The following LRIF1 variants were observed in gnomAD, a reference collection of about 807,000 sequenced individuals.
LRIF1 encodes the protein ligand-dependent nuclear receptor-interacting factor 1.
LRIF1 carries 32 observed loss-of-function variants against 52.7 expected under a neutral mutation model. That is an observed-to-expected ratio of 0.61 (90% CI 0.46 to 0.82). LRIF1 has a LOEUF of 0.82. Among genes scored for constraint, LRIF1 ranks in the 40% least tolerant of loss-of-function variants. The pLI, the probability that LRIF1 is intolerant of heterozygous loss-of-function variation, is 0.00. For missense variants in LRIF1, 887 were observed against 892.0 expected, an observed-to-expected ratio of 0.99 and a Z score of 0.07; for synonymous variants, 323 against 317.4, an observed-to-expected ratio of 1.02 and a Z score of -0.19.
At chr1:110,882,599 T>C in the LRIF1 span, among the ~76,000 whole-genome samples, 1 of 152,042 alleles carries the variant, frequency 6.6e-6, no homozygotes, top group Non-Finnish European at 1.5e-5. Context: ...TCTTGAAGCC[T>C]ACAAAAAATT....
the LRIF1 span, among the ~76,000 whole-genome samples, chr1:110,929,311 T>C: frequency 6.6e-6 from 1 of 152,224 alleles, no homozygotes; most frequent in Non-Finnish European, 1.5e-5. Context: ...AAATGGTAAT[T>C]CGATTTTGGC....
the LRIF1 span, among the ~76,000 whole-genome samples, chr1:110,922,224 T>C: frequency 1.3e-5 from 2 of 152,186 alleles, no homozygotes; most frequent in Non-Finnish European, 2.9e-5. Context: ...CTTTAAGAGA[T>C]GATTAGGATT....
chr1:110,917,648 GTTT>G, the LRIF1 span, among the ~76,000 whole-genome samples: 2 of 32,210 alleles, frequency 6.2e-5, no homozygotes, highest in African/African-American at 3.9e-4. Flanking sequence ...TTTTGTTTTT[GTTT>G]TTTTTTTTTG....
At chr1:110,892,274 G>C in the LRIF1 span, 1 of 1,035,294 alleles carries the variant, frequency 9.7e-7, no homozygotes, top group Non-Finnish European at 1.5e-6. Context: ...TGATCTCAAG[G>C]AAGTGAGAAT....
At chr1:110,882,873 C>G in the LRIF1 span, among the ~76,000 whole-genome samples, 1 of 152,008 alleles carries the variant, frequency 6.6e-6, no homozygotes, top group Non-Finnish European at 1.5e-5. Flanking sequence ...GTTACTAGTG[C>G]ATAGAATGCT....
rs546090935 is a variant in LRIF1 at position 110,949,505 on chromosome 1, C to T, written c.1869+346G>A. Among the ~76,000 whole-genome samples, 60 of 151,180 alleles carry T rather than the reference C, an allele frequency of 4.0e-4. 1 individual carries two copies. In the South Asian group the frequency reaches 0.012, roughly 30 times the overall value. On this transcript the variant is annotated intron_variant, in intron 3 of 3. Transcript: ENST00000369763. ...TGCGATCTCGGTTCACTACAAACTC[C>T]GCCTCCCGGGTTCAAGTGATTCTCC...
chr1:110,962,170 A>C (rs1658986346), intron 1 of LRIF1, among the ~76,000 whole-genome samples: 1 of 152,052 alleles, frequency 6.6e-6, no homozygotes, highest in Non-Finnish European at 1.5e-5. Flanking sequence ...AATTAAGCTA[A>C]GTCAGAAGTC....
the LRIF1 span, chr1:110,941,002 G>A: frequency 6.6e-6 from 1 of 151,974 alleles, no homozygotes; most frequent in Admixed American, 6.5e-5. Context: ...GTAACACAAA[G>A]GATAAATGTT....
At chr1:110,949,658 G>A (rs1658376788) in intron 3 of LRIF1, among the ~76,000 whole-genome samples, 193 bp downstream of exon 3, 1 of 152,090 alleles carries the variant, frequency 6.6e-6, no homozygotes, top group South Asian at 2.1e-4. Flanking sequence ...GACCTCAGGT[G>A]ATCCACCCGC....
At chr1:110,888,369 C>T in the LRIF1 span, among the ~76,000 whole-genome samples, 5 of 152,216 alleles carry the variant, frequency 3.3e-5, no homozygotes, top group African/African-American at 9.7e-5. Flanking sequence ...TCCTCAAAAT[C>T]TCAGCTCTGC....
At chr1:110,888,936 T>C in the LRIF1 span, among the ~76,000 whole-genome samples, 2 of 152,210 alleles carry the variant, frequency 1.3e-5, no homozygotes, top group Non-Finnish European at 2.9e-5. Context: ...CATGAAATAT[T>C]CTTTGATCAA....
the LRIF1 span, among the ~76,000 whole-genome samples, chr1:110,923,676 A>G: frequency 1.3e-5 from 2 of 152,182 alleles, no homozygotes; most frequent in African/African-American, 4.8e-5. Flanking sequence ...CAGAGAAAAT[A>G]CCATTGAGAG....
At chr1:110,955,693 T>C (rs935584239) in intron 1 of LRIF1, among the ~76,000 whole-genome samples, 2 of 152,182 alleles carry the variant, frequency 1.3e-5, no homozygotes, top group Admixed American at 6.5e-5. Context: ...GGAGTGGGTA[T>C]GAAGCAAGTA....
the LRIF1 span, among the ~76,000 whole-genome samples, chr1:110,894,032 T>A: frequency 1.3e-5 from 2 of 152,204 alleles, no homozygotes; most frequent in Non-Finnish European, 2.9e-5. Context: ...TAGGCAGATG[T>A]CAAAATTGCT....
intron 1 of LRIF1, among the ~76,000 whole-genome samples, chr1:110,960,245 A>G (rs1423744273): frequency 6.6e-6 from 1 of 152,196 alleles, no homozygotes; most frequent in Non-Finnish European, 1.5e-5. Context: ...CCATTATAAC[A>G]GGGTCCAAAA....
the LRIF1 span, among the ~76,000 whole-genome samples, chr1:110,933,885 C>T: frequency 6.6e-6 from 1 of 152,160 alleles, no homozygotes; most frequent in Non-Finnish European, 1.5e-5. Flanking sequence ...GACATAACCT[C>T]TCCCCTAACC....
chr1:110,960,069 G>C (rs1297127302), intron 1 of LRIF1, among the ~76,000 whole-genome samples: 1 of 151,974 alleles, frequency 6.6e-6, no homozygotes, highest in African/African-American at 2.4e-5. Context: ...AGATATACCA[G>C]TTGTTACTAA....
At chr1:110,943,093 G>C (rs574983543), downstream of LRIF1, among the ~76,000 whole-genome samples, 10 of 152,252 alleles carry the variant, frequency 6.6e-5, no homozygotes, top group South Asian at 1.2e-3. Flanking sequence ...CCCTGAAGCA[G>C]AGTGAAGAAC....
chr1:110,904,758 C>T, the LRIF1 span, among the ~76,000 whole-genome samples: 5 of 152,092 alleles, frequency 3.3e-5, no homozygotes, highest in Non-Finnish European at 7.4e-5. Flanking sequence ...AGAATCAACA[C>T]CATCCAGGAA....
Sources: gnomAD v4.1 joint callset for allele counts (sites outside exome capture counted in the v4.1 genomes callset) on GRCh38, gnomAD v4.1.1 for gene constraint, MANE v1.5 for transcripts, NCBI Gene and HGNC (gene_info 2026-07-23, HGNC 2026-07-21) for gene names.